Variants in KCNH7 observed in about 807,000 individuals in gnomAD.
The protein encoded by KCNH7 is potassium voltage-gated channel subfamily H member 7.
Under a neutral mutation model 120.8 loss-of-function variants are expected in KCNH7, and 49 were observed. The ratio of observed to expected loss-of-function variants is 0.41; its 90% confidence interval spans 0.32 to 0.51. KCNH7 has a LOEUF of 0.51. Ranked by LOEUF, KCNH7 falls within the 20% of genes least tolerant of loss-of-function variation. KCNH7 has a pLI of 0.38. For missense variants in KCNH7, 1,097 were observed against 1,446.6 expected, an observed-to-expected ratio of 0.76 and a Z score of 3.92; for synonymous variants, 547 against 516.1, an observed-to-expected ratio of 1.06 and a Z score of -0.81.
intron 2 of KCNH7, among the ~76,000 whole-genome samples, chr2:162,616,329 A>G (rs1033434455): frequency 6.6e-6 from 1 of 152,188 alleles, no homozygotes; most frequent in Non-Finnish European, 1.5e-5. Flanking sequence ...TTTTGGGGAG[A>G]TGAGACTTGG....
chr2:162,603,257 A>C (rs1023686162), intron 2 of KCNH7, among the ~76,000 whole-genome samples: 1 of 152,068 alleles, frequency 6.6e-6, no homozygotes, highest in Non-Finnish European at 1.5e-5. Flanking sequence ...ATAGATTGCA[A>C]GAAGATAAAT....
chr2:162,611,184 G>T (rs1180664948), intron 2 of KCNH7, among the ~76,000 whole-genome samples: 1 of 152,156 alleles, frequency 6.6e-6, no homozygotes, highest in Non-Finnish European at 1.5e-5. Context: ...GGGTGGCATT[G>T]GTGTGGACCA....
At chr2:162,540,315 A>C (rs183745501) in intron 2 of KCNH7, among the ~76,000 whole-genome samples, 2 of 150,882 alleles carry the variant, frequency 1.3e-5, no homozygotes, top group African/African-American at 5.0e-5. Context: ...CCCTGAGTGA[A>C]AACATTTCCA....
At chr2:162,379,804 C>A (rs1435064898) in intron 14 of KCNH7, 49 bp downstream of exon 14, 2 of 1,579,602 alleles carry the variant, frequency 1.3e-6, no homozygotes, top group Admixed American at 3.4e-5. Context: ...AAACTGGACC[C>A]ATGTAAGGGG....
At chr2:162,805,944 GA>G (rs201500895) in intron 2 of KCNH7, among the ~76,000 whole-genome samples, 4,434 of 152,152 alleles carry the variant, frequency 0.029, 100 homozygotes, top group South Asian at 0.084. Flanking sequence ...AACTTGGATG[GA>G]GCTGGAGGCC....
At chr2:162,624,985 C>T (rs1270528778) in intron 2 of KCNH7, among the ~76,000 whole-genome samples, 3 of 150,888 alleles carry the variant, frequency 2.0e-5, no homozygotes, top group South Asian at 2.1e-4. Flanking sequence ...TCCACCTCCA[C>T]CTCCGAGGTT....
chr2:162,513,398 CTT>C, intron 4 of KCNH7, among the ~76,000 whole-genome samples: 1 of 140,064 alleles, frequency 7.1e-6, no homozygotes, highest in African/African-American at 2.7e-5. Context: ...TCCTTCCCTC[CTT>C]CCTTCTTTCC....
chr2:162,687,288 G>A (rs1404383960), intron 2 of KCNH7, among the ~76,000 whole-genome samples: 1 of 152,078 alleles, frequency 6.6e-6, no homozygotes, highest in Non-Finnish European at 1.5e-5. Flanking sequence ...CAGTGGTTCA[G>A]ACTAGTTCAC....
intron 9 of KCNH7, among the ~76,000 whole-genome samples, chr2:162,407,599 T>C (rs1687266893): frequency 1.3e-5 from 2 of 151,950 alleles, no homozygotes; most frequent in African/African-American, 2.4e-5. Context: ...ATTTCTAAAA[T>C]GAGGTCTCAG....
intron 2 of KCNH7, among the ~76,000 whole-genome samples, chr2:162,812,437 T>C (rs1684763840): frequency 6.6e-6 from 1 of 151,906 alleles, no homozygotes; most frequent in Non-Finnish European, 1.5e-5. Flanking sequence ...AAAGCAAAAG[T>C]AGAGACTGGC....
At chr2:162,586,366 T>C (rs959844359) in intron 2 of KCNH7, among the ~76,000 whole-genome samples, 9 of 152,036 alleles carry the variant, frequency 5.9e-5, no homozygotes, top group African/African-American at 2.2e-4. Flanking sequence ...CTTAGGACAA[T>C]GAACCACGTG....
intron 2 of KCNH7, among the ~76,000 whole-genome samples, chr2:162,610,764 C>CG (rs1682936779): frequency 6.6e-6 from 1 of 152,122 alleles, no homozygotes; most frequent in South Asian, 2.1e-4. Context: ...TTTCACCTCT[C>CG]TAAGTACTGG....
At chr2:162,713,780 C>T (rs958953223) in intron 2 of KCNH7, among the ~76,000 whole-genome samples, 2 of 151,978 alleles carry the variant, frequency 1.3e-5, no homozygotes, top group Non-Finnish European at 2.9e-5. Context: ...CAGAGTTTTG[C>T]CCTTGTCACC....
intron 2 of KCNH7, among the ~76,000 whole-genome samples, chr2:162,666,197 C>G (rs942587014): frequency 6.6e-6 from 1 of 152,046 alleles, no homozygotes; most frequent in Non-Finnish European, 1.5e-5. Flanking sequence ...GGTTTGCAAT[C>G]ACTTCTATAT....
chr2:162,431,273 C>T (rs1688057224), intron 8 of KCNH7, among the ~76,000 whole-genome samples: 1 of 151,942 alleles, frequency 6.6e-6, no homozygotes, highest in Non-Finnish European at 1.5e-5. Context: ...AAAGTTCAAC[C>T]TGATAACCAC....
chr2:162,447,391 T>TA (rs1345637875), intron 6 of KCNH7, among the ~76,000 whole-genome samples: 1 of 152,126 alleles, frequency 6.6e-6, no homozygotes, highest in Non-Finnish European at 1.5e-5. Context: ...AGCTACCCAG[T>TA]AAGTGTAATT....
chr2:162,567,953 G>T (rs1006934756), intron 2 of KCNH7, among the ~76,000 whole-genome samples: 1 of 151,932 alleles, frequency 6.6e-6, no homozygotes, highest in Non-Finnish European at 1.5e-5. Context: ...GTATGCAGAA[G>T]ATGTATTAGT....
At chr2:162,442,893 A>G (rs1368822276) in intron 7 of KCNH7, among the ~76,000 whole-genome samples, 2 of 152,148 alleles carry the variant, frequency 1.3e-5, no homozygotes, top group East Asian at 1.9e-4. Flanking sequence ...TGTTCTTATA[A>G]TTTGTTGAAA....
intron 2 of KCNH7, among the ~76,000 whole-genome samples, chr2:162,672,021 G>A (rs907520836): frequency 2.6e-5 from 4 of 151,942 alleles, no homozygotes; most frequent in Non-Finnish European, 5.9e-5. Flanking sequence ...AACTAATGAC[G>A]TGTAACTAAC....
Sources: gnomAD v4.1 joint callset for allele counts (sites outside exome capture counted in the v4.1 genomes callset) on GRCh38, gnomAD v4.1.1 for gene constraint, MANE v1.5 for transcripts, NCBI Gene and HGNC (gene_info 2026-07-23, HGNC 2026-07-21) for gene names.